GCNT2: variants seen among roughly 807,000 people sequenced by gnomAD.
GCNT2 encodes glucosaminyl (N-acetyl) transferase 2 (I blood group).
Under a neutral mutation model 34.2 loss-of-function variants are expected in GCNT2, and 34 were observed. The ratio of observed to expected loss-of-function variants is 1.00; its 90% CI spans 0.76 to 1.32. The LOEUF is 1.32. GCNT2 is among the 40% of genes most tolerant of loss of function. The pLI, the probability that GCNT2 is intolerant of heterozygous loss-of-function variation, is 0.00. For synonymous variants in GCNT2, 212 were observed against 188.0 expected, an observed-to-expected ratio of 1.13 and a Z score of -1.04; for missense variants, 584 against 489.4, an observed-to-expected ratio of 1.19 and a Z score of -1.82.
chr6:10,565,366 G>C (rs1296275193), intron 3 of GCNT2, among the ~76,000 whole-genome samples: 1 of 152,164 alleles, frequency 6.6e-6, no homozygotes, highest in Non-Finnish European at 1.5e-5. Context: ...GGGAAAAGGA[G>C]TCAAGCTGGT....
chr6:10,521,974 A>G (rs532057730), intron 1 of GCNT2, among the ~76,000 whole-genome samples: 12 of 151,040 alleles, frequency 7.9e-5, no homozygotes, highest in African/African-American at 2.4e-4. Flanking sequence ...ATCTCAGCTT[A>G]CTGCAACCCC....
chr6:10,580,578 T>G (rs1764026931), intron 3 of GCNT2, among the ~76,000 whole-genome samples: 1 of 151,724 alleles, frequency 6.6e-6, no homozygotes, highest in Admixed American at 6.6e-5. Flanking sequence ...GGAGTGGTCT[T>G]GGTGGAGATG....
At chr6:10,556,369 G>T in intron 3 of GCNT2, 1 of 1,610,240 alleles carries the variant, frequency 6.2e-7, no homozygotes, top group South Asian at 1.1e-5. Context: ...AGTGAGTTTG[G>T]AAAAAAGACT....
At chr6:10,556,660 C>T (rs1159920552) in intron 3 of GCNT2, 1 of 1,613,970 alleles carries the variant, frequency 6.2e-7, no homozygotes, top group East Asian at 2.2e-5. Flanking sequence ...TGACCCAGAG[C>T]CACTACATCA....
chr6:10,561,566 C>T (rs1762983642), intron 3 of GCNT2, among the ~76,000 whole-genome samples: 1 of 152,184 alleles, frequency 6.6e-6, no homozygotes, highest in South Asian at 2.1e-4. Flanking sequence ...CCCAAGTGGC[C>T]GCTGGTTGAT....
At chr6:10,584,457 C>G (rs1408177566) in intron 3 of GCNT2, among the ~76,000 whole-genome samples, 3 of 152,100 alleles carry the variant, frequency 2.0e-5, no homozygotes, top group Admixed American at 1.3e-4. Flanking sequence ...TTATCTCAAC[C>G]GCATTGAGGC....
chr6:10,591,912 C>T (rs1457676457), intron 3 of GCNT2, among the ~76,000 whole-genome samples: 2 of 152,228 alleles, frequency 1.3e-5, no homozygotes, highest in South Asian at 2.1e-4. Context: ...TGGGACCTTA[C>T]GTCTGGGTGT....
At chr6:10,585,193 G>T (rs79042431) in intron 3 of GCNT2, among the ~76,000 whole-genome samples, 7,339 of 152,046 alleles carry the variant, frequency 0.048, 607 homozygotes, top group African/African-American at 0.17. Context: ...TAAAGTAAGT[G>T]TTTGAAGAGA....
rs1426739753 is a variant in GCNT2 at position 10,527,593 on chromosome 6, T to G, written c.-349T>G. 1.3e-5 allele frequency: 2 copies of G among 152,134 alleles called. No individual in the cohort carries two copies. Among genetic ancestry groups the G allele is most frequent in the Non-Finnish European group, 2.9e-5 (2 of 68,042 alleles). 9.4% of individuals were successfully genotyped at this position (152,134 alleles called of 1,614,324 possible). On this transcript the variant is annotated 5_prime_UTR_variant, in exon 2 of 5. Coordinates refer to ENST00000495262, the MANE Select transcript of GCNT2 (RefSeq NM_145649.5). ...AAACTCGTCGCTGACGTTTTAGATG[T>G]ATAATCTGATTGGCATGGACTCACA...
rs373290948 is a variant in GCNT2, at chr6:10,626,509, A to G, written c.1111A>G (p.Asn371Asp). The change falls in exon 5 of 5, where the codon AAT (asparagine) becomes GAT (aspartate). Residue 371 changes from asparagine to aspartate, a missense_variant. Transcript: ENST00000495262. ...PSLFANKFEL[N>D]TYPLTVECLE... ...CCTGTTTGCTAACAAGTTTGAGCTT[A>G]ATACCTACCCCCTTACTGTGGAATG... 1.9e-6 allele frequency: 3 copies of G among 1,613,448 alleles called. No homozygotes were observed. In the African/African-American group the frequency reaches 4.0e-5, roughly 22 times the overall value.
intron 1 of GCNT2, among the ~76,000 whole-genome samples, chr6:10,525,955 A>G (rs1017628079): frequency 2.0e-5 from 3 of 152,230 alleles, no homozygotes; most frequent in Non-Finnish European, 4.4e-5. Context: ...GTCTGGATAA[A>G]TTAGGAGAAA....
At position 10,529,285 on chromosome 6, in the gene GCNT2, G is replaced by T. The variant is rs1761356762; in HGVS notation, c.374G>T (p.Cys125Phe). ...ATTTATATGCCCCAAAATGTCTACT[G>T]TGTGCACCTGGATCAGAAGGCGACG... is the stretch of plus-strand genomic sequence containing the variant. ...RAIYMPQNVYCVHLDQKATDA... is the reference protein window; with the variant it reads ...RAIYMPQNVYFVHLDQKATDA... The change falls in exon 3 of 5, where the codon TGT becomes TTT. Residue 125 changes from cysteine to phenylalanine, a missense_variant. Cys to Phe is a radical substitution (Grantham distance 205, BLOSUM62 -2). Transcript: ENST00000495262. The T allele has an allele frequency of 6.2e-7, 1 of 1,614,030 alleles. No individual in the cohort carries two copies. The highest frequency in any genetic ancestry group is 1.7e-5 in the Admixed American group (1 of 59,990).
In GCNT2 at chr6:10,529,798, C is replaced by T. The variant is rs1761393199; in HGVS notation, c.887C>T (p.Pro296Leu). ...LLSWSKDTYS[P>L]DEHFWVTLNR... ...TCCTGGTCCAAGGACACCTACAGCC[C>T]CGACGAACATTTCTGGGTGACACTC... The change falls in exon 3 of 5, where the codon CCC becomes CTC. Residue 296 changes from proline to leucine, a missense_variant. Pro to Leu is a moderately conservative substitution (Grantham distance 98). Coordinates refer to ENST00000495262, the MANE Select transcript of GCNT2 (RefSeq NM_145649.5). The T allele has an allele frequency of 6.2e-7, 1 of 1,614,098 alleles. No homozygotes were observed. Among genetic ancestry groups the T allele is most frequent in the East Asian group, 2.2e-5 (1 of 44,884 alleles).
At chr6:10,557,745 G>A (rs1245256124) in intron 3 of GCNT2, among the ~76,000 whole-genome samples, 2 of 152,050 alleles carry the variant, frequency 1.3e-5, no homozygotes, top group Admixed American at 1.3e-4. Flanking sequence ...CCCCATCTTG[G>A]CCTCCCAAAA....
intron 3 of GCNT2, among the ~76,000 whole-genome samples, chr6:10,569,274 C>CACACA (rs1491123758): frequency 1.5e-5 from 2 of 137,184 alleles, no homozygotes; most frequent in Admixed American, 7.6e-5. Context: ...CACACACACA[C>CACACA]CCCCTAGGTA....
At chr6:10,556,232 G>C in intron 3 of GCNT2, 4 of 1,444,706 alleles carry the variant, frequency 2.8e-6, no homozygotes, top group Non-Finnish European at 3.6e-6. Context: ...GCGGGATCTG[G>C]CTGTAATATC....
chr6:10,540,917 GGTCT>G (rs1400873507), intron 3 of GCNT2, among the ~76,000 whole-genome samples: 2 of 152,084 alleles, frequency 1.3e-5, no homozygotes, highest in African/African-American at 4.8e-5. Context: ...TTGGGAGTGT[GGTCT>G]GCCTTTGGGA....
intron 3 of GCNT2, among the ~76,000 whole-genome samples, chr6:10,570,459 A>G (rs1262908511): frequency 1.3e-5 from 2 of 152,174 alleles, no homozygotes; most frequent in Non-Finnish European, 2.9e-5. Flanking sequence ...TTAACTGTGA[A>G]AATATTGGAG....
At chr6:10,529,959 A>T (rs909730438) in intron 3 of GCNT2, 123 bp downstream of exon 3, 18 of 751,126 alleles carry the variant, frequency 2.4e-5, no homozygotes, top group African/African-American at 7.1e-5. Context: ...ATGTCAAATT[A>T]AAAAAAAAAT....
Sources: allele counts gnomAD v4.1 joint callset (sites outside exome capture counted in the v4.1 genomes callset), GRCh38; gene constraint gnomAD v4.1.1; transcripts MANE v1.5; gene names NCBI Gene and HGNC (gene_info 2026-07-23, HGNC 2026-07-21).